Variants in CLEC4D observed in about 807,000 individuals in gnomAD.
The protein encoded by CLEC4D is C-type lectin domain family 4 member D.
CLEC4D carries 21 observed loss-of-function variants against 21.1 expected under a neutral mutation model. That is an observed-to-expected ratio of 1.00 (90% CI 0.71 to 1.43). The LOEUF is 1.43. Ranked by LOEUF, CLEC4D falls within the 40% of genes most tolerant of loss-of-function variation. The pLI is 0.00. For missense variants in CLEC4D, 289 were observed against 260.7 expected, an observed-to-expected ratio of 1.11 and a Z score of -0.75; for synonymous variants, 85 against 83.1, an observed-to-expected ratio of 1.02 and a Z score of -0.12.
chr12:8,529,938 G>A, the CLEC4D span, among the ~76,000 whole-genome samples: 11 of 152,268 alleles, frequency 7.2e-5, no homozygotes, highest in African/African-American at 1.7e-4. Flanking sequence ...GCATCTAAAC[G>A]GTTGAATACG....
chr12:8,515,816 G>A (rs1183519986), intron 2 of CLEC4D, among the ~76,000 whole-genome samples: 3 of 151,422 alleles, frequency 2.0e-5, no homozygotes, highest in African/African-American at 7.3e-5. Flanking sequence ...TCAATTTGGG[G>A]GATTAGTATA....
At chr12:8,518,840 T>C (rs1328191156) in intron 3 of CLEC4D, among the ~76,000 whole-genome samples, 169 bp from the exon 4 acceptor site, 2 of 152,218 alleles carry the variant, frequency 1.3e-5, no homozygotes, top group Non-Finnish European at 2.9e-5. Flanking sequence ...TTAGAAGATA[T>C]TTAGGAATGT....
At position 8,519,025 on chromosome 12, in the gene CLEC4D, T is replaced by C; in HGVS notation, c.249T>C (p.Cys83=). Residue 83 remains cysteine (C), a synonymous_variant, in exon 4 of 6, where the codon TGT becomes TGC. Coordinates refer to ENST00000299665, the MANE Select transcript of CLEC4D (RefSeq NM_080387.5). ...TCACTTGAGGGAGCACCTGGAACTGTTGTCCTATTGACTGGAGAGCCTTCC... is the reference window on the plus strand; with the variant it reads ...TCACTTGAGGGAGCACCTGGAACTGCTGTCCTATTGACTGGAGAGCCTTCC... ...LKSAEGSTWN[C]CPIDWRAFQS... The C allele has an allele frequency of 2.5e-6, 4 of 1,613,932 alleles. No individual in the cohort carries two copies. Among genetic ancestry groups the C allele is most frequent in the Non-Finnish European group, 3.4e-6 (4 of 1,179,938 alleles).
rs762104154 is a variant in CLEC4D at position 8,519,124 on chromosome 12, G to A, written c.348G>A (p.Gly116=). 3.1e-6 allele frequency: 5 copies of A among 1,613,914 alleles called. No homozygotes were observed. The highest frequency in any genetic ancestry group is 2.7e-5 in the African/African-American group (2 of 74,882). ...GTGAAAGGAACTGTTCAGGGATGGG[G>A]GCCCATCTGATGACCATCAGCACGG... is the stretch of plus-strand genomic sequence containing the variant. ...AESERNCSGM[G]AHLMTISTEA... The change falls in exon 4 of 6, where the codon GGG becomes GGA. Residue 116 remains glycine (G), a synonymous_variant. Coordinates refer to ENST00000299665, the MANE Select transcript of CLEC4D (RefSeq NM_080387.5).
At chr12:8,530,984 C>T in the CLEC4D span, among the ~76,000 whole-genome samples, 1 of 152,342 alleles carries the variant, frequency 6.6e-6, no homozygotes, top group Middle Eastern at 3.4e-3. Flanking sequence ...GCTGAATGAC[C>T]TGTGTGGACA....
In CLEC4D at chr12:8,519,042, G is replaced by C. The variant is rs913508702; in HGVS notation, c.266G>C (p.Arg89Thr). Residue 89 changes from arginine to threonine, a missense_variant, in exon 4 of 6, where the codon AGA (arginine) becomes ACA (threonine). Arg to Thr is a moderately conservative substitution (Grantham distance 71). Coordinates refer to ENST00000299665, the MANE Select transcript of CLEC4D (RefSeq NM_080387.5). ...TGGAACTGTTGTCCTATTGACTGGAGAGCCTTCCAGTCCAACTGCTATTTT... is the reference window on the plus strand; with the variant it reads ...TGGAACTGTTGTCCTATTGACTGGACAGCCTTCCAGTCCAACTGCTATTTT... ...STWNCCPIDW[R>T]AFQSNCYFPL... 1.2e-6 allele frequency: 2 copies of C among 1,613,970 alleles called. No individual in the cohort carries two copies. Among genetic ancestry groups the C allele is most frequent in the Non-Finnish European group, 1.7e-6 (2 of 1,180,006 alleles).
the CLEC4D span, among the ~76,000 whole-genome samples, chr12:8,529,203 A>T: frequency 6.6e-6 from 1 of 152,170 alleles, no homozygotes; most frequent in African/African-American, 2.4e-5. Flanking sequence ...TCCAAGGAAG[A>T]TTTTTTTCCC....
At chr12:8,519,834 C>G (rs1020409635) in intron 4 of CLEC4D, among the ~76,000 whole-genome samples, 4 of 152,136 alleles carry the variant, frequency 2.6e-5, no homozygotes, top group Non-Finnish European at 5.9e-5. Context: ...GATTTTGTCT[C>G]CATAGGTTTA....
rs1940458200 is a variant in CLEC4D at position 8,521,425 on chromosome 12, A to G, written c.*154A>G. The G allele has an allele frequency of 7.8e-6, 11 of 1,404,932 alleles. No homozygotes were observed. Among genetic ancestry groups the G allele is most frequent in the Non-Finnish European group, 1.0e-5 (11 of 1,078,750 alleles). The allele number at this position is 1,404,932 out of a possible 1,614,324, so 87.0% of individuals were successfully genotyped here. A position where few individuals can be genotyped will look rare whatever the true frequency, so the allele number is the denominator to read the frequency against. On this transcript the variant is annotated 3_prime_UTR_variant, in exon 6 of 6. Transcript: ENST00000299665. ...TTTTTTATTTTGTTTGATTCATTCGAGACAACATGTGTGTATGTGTGTGTG... is the reference window on the plus strand; with the variant it reads ...TTTTTTATTTTGTTTGATTCATTCGGGACAACATGTGTGTATGTGTGTGTG...
At chr12:8,518,398 G>A (rs181679181) in intron 3 of CLEC4D, 124 bp downstream of exon 3, 46 of 575,706 alleles carry the variant, frequency 8.0e-5, no homozygotes, top group Middle Eastern at 8.0e-4. Context: ...ATCTGGCATC[G>A]GAGTAAATAA....
the CLEC4D span, among the ~76,000 whole-genome samples, chr12:8,530,297 G>C: frequency 2.6e-5 from 4 of 151,976 alleles, no homozygotes; most frequent in African/African-American, 9.7e-5. Context: ...ACAATATGTT[G>C]GCATTCCTAG....
chr12:8,530,987 T>G, the CLEC4D span, among the ~76,000 whole-genome samples: 1 of 152,362 alleles, frequency 6.6e-6, no homozygotes, highest in East Asian at 1.9e-4. Context: ...GAATGACCTG[T>G]GTGGACATCC....
chr12:8,516,904 T>C (rs1940389166), intron 2 of CLEC4D, among the ~76,000 whole-genome samples: 1 of 152,194 alleles, frequency 6.6e-6, no homozygotes, highest in African/African-American at 2.4e-5. Context: ...AATAGTTCAC[T>C]TTACAGCAAT....
chr12:8,520,382 G>C, intron 5 of CLEC4D, 41 bp downstream of exon 5: 1 of 1,585,386 alleles, frequency 6.3e-7, no homozygotes, highest in South Asian at 1.1e-5. Context: ...ATAAGCAAAG[G>C]TTAGAAGATG....
At chr12:8,514,679 A>G (rs764853534) in intron 1 of CLEC4D, among the ~76,000 whole-genome samples, 1 of 152,270 alleles carries the variant, frequency 6.6e-6, no homozygotes, top group Admixed American at 6.5e-5. Context: ...CCAACACTGC[A>G]TGTACTTAAT....
At chr12:8,526,867 T>G (rs1425217385), downstream of CLEC4D, among the ~76,000 whole-genome samples, 1 of 152,098 alleles carries the variant, frequency 6.6e-6, no homozygotes, top group East Asian at 1.9e-4. Context: ...TAGATGGGGC[T>G]TTTGTGGGGG....
At position 8,521,335 on chromosome 12, in the gene CLEC4D, T is replaced by G; in HGVS notation, c.*64T>G. On this transcript the variant is annotated 3_prime_UTR_variant, in exon 6 of 6. Transcript: ENST00000299665. ...AAAAACCAATTAGAATAAGGCAGAA[T>G]GTACGTGCGTCATTGGAACACAGAA... is the stretch of plus-strand genomic sequence containing the variant. The G allele has an allele frequency of 6.5e-7, 1 of 1,542,372 alleles. No homozygotes were observed. Among genetic ancestry groups the G allele is most frequent in the Non-Finnish European group, 8.7e-7 (1 of 1,149,570 alleles).
chr12:8,519,526 T>C (rs762005782), intron 4 of CLEC4D, among the ~76,000 whole-genome samples: 102 of 152,304 alleles, frequency 6.7e-4, no homozygotes, highest in African/African-American at 2.3e-3. Context: ...CGTGGAGGGC[T>C]GGATCCATGC....
the CLEC4D span, among the ~76,000 whole-genome samples, chr12:8,531,094 C>G: frequency 6.6e-6 from 1 of 152,260 alleles, no homozygotes; most frequent in East Asian, 1.9e-4. Context: ...GGGCGTCCTC[C>G]TCACTCTAGC....
Sources: allele counts gnomAD v4.1 joint callset (sites outside exome capture counted in the v4.1 genomes callset), GRCh38; gene constraint gnomAD v4.1.1; transcripts MANE v1.5; gene names NCBI Gene and HGNC (gene_info 2026-07-23, HGNC 2026-07-21).